The following TECRL variants were observed in gnomAD, a reference collection of about 807,000 sequenced individuals.
The protein encoded by TECRL is trans-2,3-enoyl-CoA reductase like.
TECRL carries 63 observed loss-of-function variants against 52.8 expected under a neutral mutation model. That is an observed-to-expected ratio of 1.19 (90% CI 0.97 to 1.47). TECRL has a LOEUF of 1.47. Ranked by LOEUF, TECRL falls within the 40% of genes most tolerant of loss-of-function variation. The probability of loss-of-function intolerance (pLI) is 0.00; values close to 1 mark genes in which losing one functional copy is unlikely to be tolerated. For missense variants in TECRL, 482 were observed against 429.6 expected, an observed-to-expected ratio of 1.12 and a Z score of -1.08; for synonymous variants, 164 against 141.9, an observed-to-expected ratio of 1.16 and a Z score of -1.10.
At chr4:64,302,182 T>C (rs1018200146) in intron 7 of TECRL, among the ~76,000 whole-genome samples, 1 of 151,386 alleles carries the variant, frequency 6.6e-6, no homozygotes, top group South Asian at 2.1e-4. Flanking sequence ...GTATGGAAAA[T>C]AAACTCTAGT....
At chr4:64,324,682 T>C (rs1718129817) in intron 3 of TECRL, among the ~76,000 whole-genome samples, 1 of 152,258 alleles carries the variant, frequency 6.6e-6, no homozygotes, top group East Asian at 1.9e-4. Flanking sequence ...TGTTAATGTA[T>C]ATGGTTCTCT....
intron 2 of TECRL, among the ~76,000 whole-genome samples, chr4:64,346,030 A>ACAC (rs1474977360): frequency 3.3e-5 from 5 of 151,956 alleles, no homozygotes; most frequent in African/African-American, 1.2e-4. Flanking sequence ...TAAACACAAC[A>ACAC]CACACAAACA....
chr4:64,361,076 TTGTC>T (rs10611120), intron 2 of TECRL, among the ~76,000 whole-genome samples: 136,358 of 151,748 alleles, frequency 0.9, 61,922 homozygotes, highest in East Asian at 1. Context: ...AAGCAGCCCT[TTGTC>T]TGTCAGCCTC....
intron 6 of TECRL, among the ~76,000 whole-genome samples, chr4:64,308,599 C>G (rs1179250326): frequency 6.6e-6 from 1 of 152,186 alleles, no homozygotes; most frequent in Non-Finnish European, 1.5e-5. Context: ...CAGGTACCCT[C>G]TAGCTGCTGA....
intron 2 of TECRL, among the ~76,000 whole-genome samples, chr4:64,338,306 T>C (rs1309354043): frequency 2.0e-5 from 3 of 152,206 alleles, no homozygotes; most frequent in Admixed American, 2.0e-4. Context: ...GACTTACATG[T>C]TAGACCTAAA....
chr4:64,339,118 T>A (rs1719352707), intron 2 of TECRL, among the ~76,000 whole-genome samples: 1 of 151,606 alleles, frequency 6.6e-6, no homozygotes, highest in Admixed American at 6.6e-5. Flanking sequence ...AAATGATGAG[T>A]TCATGTCCTT....
chr4:64,301,898 G>A (rs1361653266), intron 7 of TECRL, among the ~76,000 whole-genome samples: 1 of 151,066 alleles, frequency 6.6e-6, no homozygotes, highest in Non-Finnish European at 1.5e-5. Context: ...TAGGTAGTGC[G>A]AAGAGAAAAA....
chr4:64,356,681 A>G (rs1310715579), intron 2 of TECRL, among the ~76,000 whole-genome samples: 1 of 152,160 alleles, frequency 6.6e-6, no homozygotes, highest in Non-Finnish European at 1.5e-5. Context: ...TGAGATAGTG[A>G]AAATAGTAAT....
At chr4:64,319,160 C>T (rs1313550632) in intron 4 of TECRL, among the ~76,000 whole-genome samples, 3 of 151,106 alleles carry the variant, frequency 2.0e-5, no homozygotes, top group African/African-American at 4.9e-5. Context: ...GATATAAATA[C>T]CAAAATAACA....
chr4:64,292,583 CTT>C (rs921158001), intron 8 of TECRL, among the ~76,000 whole-genome samples: 1 of 152,026 alleles, frequency 6.6e-6, no homozygotes, highest in Admixed American at 6.6e-5. Context: ...TATTAAATGA[CTT>C]AATCATTCAC....
intron 2 of TECRL, among the ~76,000 whole-genome samples, chr4:64,342,248 A>G (rs998420803): frequency 1.3e-5 from 2 of 152,108 alleles, no homozygotes; most frequent in African/African-American, 4.8e-5. Flanking sequence ...TTTAGTGTAC[A>G]TTTCTCATTA....
In TECRL at chr4:64,372,565, G is replaced by C. The variant is rs138162626; in HGVS notation, c.286+2607C>G. Among the ~76,000 whole-genome samples, 1,162 of 151,686 alleles carry C rather than the reference G, an allele frequency of 7.7e-3. 13 individuals are homozygous for C. The highest frequency in any genetic ancestry group is 0.026 in the African/African-American group (1,092 of 41,454). ...TTGGAAGAACATTAAGATTGTCACT[G>C]TATAGAAAAGACATATTACAGTAAA... On this transcript the variant is annotated intron_variant, in intron 2 of 11. Coordinates refer to ENST00000381210, the MANE Select transcript of TECRL (RefSeq NM_001010874.5).
chr4:64,310,326 T>C (rs983890570), intron 5 of TECRL, among the ~76,000 whole-genome samples: 1 of 152,236 alleles, frequency 6.6e-6, no homozygotes, highest in Non-Finnish European at 1.5e-5. Context: ...GTATTTGACA[T>C]TTTATAATAG....
At chr4:64,360,068 C>A (rs559614453) in intron 2 of TECRL, among the ~76,000 whole-genome samples, 2 of 152,044 alleles carry the variant, frequency 1.3e-5, no homozygotes, top group African/African-American at 2.4e-5. Context: ...AAACAGAAAA[C>A]GAGAAATCGT....
Position 64,322,294 on chromosome 4 carries a change from C to T in TECRL, c.435+395G>A, listed in dbSNP as rs116062239. ...GGCAGATGGATGTGAGACTGAGCTC[C>T]CATCTCCTCAGGGGCAGCTTCCAAC... On this transcript the variant is annotated intron_variant, in intron 4 of 11. Transcript: ENST00000381210. Among the ~76,000 whole-genome samples, 1,003 of 152,026 alleles carry T rather than the reference C, an allele frequency of 6.6e-3. 8 individuals carry two copies. The highest frequency in any genetic ancestry group is 0.023 in the African/African-American group (952 of 41,462).
At chr4:64,300,565 G>A (rs1300695660) in intron 7 of TECRL, among the ~76,000 whole-genome samples, 1 of 150,730 alleles carries the variant, frequency 6.6e-6, no homozygotes, top group Non-Finnish European at 1.5e-5. Flanking sequence ...ACCATTTAAA[G>A]CAATGTTCTA....
At chr4:64,360,326 G>A (rs551928835) in intron 2 of TECRL, among the ~76,000 whole-genome samples, 1 of 152,096 alleles carries the variant, frequency 6.6e-6, no homozygotes, top group East Asian at 1.9e-4. Flanking sequence ...TTAAAGTTGA[G>A]TAATAATTTC....
chr4:64,391,953 T>A (rs1400774434), intron 1 of TECRL, among the ~76,000 whole-genome samples: 1 of 151,872 alleles, frequency 6.6e-6, no homozygotes, highest in African/African-American at 2.4e-5. Flanking sequence ...AATTCAAATT[T>A]AATTGAATGC....
At chr4:64,389,912 G>T (rs1322529937) in intron 1 of TECRL, among the ~76,000 whole-genome samples, 1 of 151,784 alleles carries the variant, frequency 6.6e-6, no homozygotes, top group Non-Finnish European at 1.5e-5. Flanking sequence ...GTGGACATTG[G>T]ACTTAGCTTT....
Sources: gnomAD v4.1 joint callset for allele counts (sites outside exome capture counted in the v4.1 genomes callset) on GRCh38, gnomAD v4.1.1 for gene constraint, MANE v1.5 for transcripts, NCBI Gene and HGNC (gene_info 2026-07-23, HGNC 2026-07-21) for gene names.